Variants in RANBP17 observed in about 807,000 individuals in gnomAD.
RANBP17 encodes the protein ran-binding protein 17.
Under a neutral mutation model 141.2 loss-of-function variants are expected in RANBP17, and 158 were observed. The ratio of observed to expected loss-of-function variants is 1.12; its 90% CI spans 0.98 to 1.28. The LOEUF is 1.28. Among genes scored for constraint, RANBP17 ranks in the 50% most tolerant of loss-of-function variants. RANBP17 has a pLI of 0.00. For synonymous variants in RANBP17, 430 were observed against 450.0 expected, an observed-to-expected ratio of 0.96 and a Z score of 0.56; for missense variants, 1,438 against 1,290.7, an observed-to-expected ratio of 1.11 and a Z score of -1.75.
intron 13 of RANBP17, among the ~76,000 whole-genome samples, chr5:170,964,120 G>A (rs1351490159): frequency 6.6e-6 from 1 of 152,092 alleles, no homozygotes; most frequent in East Asian, 1.9e-4. Flanking sequence ...CACTCTTATG[G>A]AGTGATGGTA....
chr5:171,277,669 T>TATATATATATATA (rs1767604663), intron 25 of RANBP17, among the ~76,000 whole-genome samples: 9 of 31,066 alleles, frequency 2.9e-4, no homozygotes, highest in African/African-American at 3.6e-4. Flanking sequence ...ATATATATAT[T>TATATATATATATA]TATGTCTTAC....
At chr5:171,027,112 C>A (rs1355095860) in intron 14 of RANBP17, among the ~76,000 whole-genome samples, 1 of 152,052 alleles carries the variant, frequency 6.6e-6, no homozygotes, top group Non-Finnish European at 1.5e-5. Context: ...AAATTTGGTC[C>A]CTTGTGCCAA....
At position 171,190,068 on chromosome 5, in the gene RANBP17, C is replaced by G. The variant is rs560050632; in HGVS notation, c.2038+6638C>G. ...AGAAAAAAAAACACCTACTTTCTTGCAAAAGTGTTGGATGTGATTCTTGGA... is the reference window on the plus strand; with the variant it reads ...AGAAAAAAAAACACCTACTTTCTTGGAAAAGTGTTGGATGTGATTCTTGGA... On this transcript the variant is annotated intron_variant, in intron 18 of 27. Coordinates refer to ENST00000523189, the MANE Select transcript of RANBP17 (RefSeq NM_022897.5). 2.6e-5 allele frequency among the ~76,000 whole-genome samples: 4 copies of G among 151,648 alleles called. No homozygotes were observed. The South Asian group carries it at 8.3e-4, about 32-fold the overall frequency.
chr5:170,874,782 G>T (rs1298268556), intron 1 of RANBP17, among the ~76,000 whole-genome samples: 1 of 152,016 alleles, frequency 6.6e-6, no homozygotes, highest in Admixed American at 6.6e-5. Flanking sequence ...TCTTTGTCCA[G>T]TTTGCCAGTC....
intron 14 of RANBP17, among the ~76,000 whole-genome samples, chr5:171,027,332 A>G (rs1781294955): frequency 6.6e-6 from 1 of 152,150 alleles, no homozygotes; most frequent in South Asian, 2.1e-4. Flanking sequence ...TTGTCCTTTC[A>G]GCATTGGCAG....
intron 22 of RANBP17, among the ~76,000 whole-genome samples, chr5:171,231,762 A>C (rs1383426079): frequency 6.6e-6 from 1 of 152,174 alleles, no homozygotes; most frequent in East Asian, 1.9e-4. Context: ...AGCAAGAATT[A>C]TAAAAATGTC....
At chr5:171,115,367 C>G (rs1755546038) in intron 14 of RANBP17, among the ~76,000 whole-genome samples, 1 of 152,014 alleles carries the variant, frequency 6.6e-6, no homozygotes, top group African/African-American at 2.4e-5. Context: ...AATGACTATT[C>G]TATTTCTAAT....
At chr5:170,949,110 C>G (rs1775002809) in intron 12 of RANBP17, among the ~76,000 whole-genome samples, 1 of 152,110 alleles carries the variant, frequency 6.6e-6, no homozygotes, top group African/African-American at 2.4e-5. Context: ...TCACTGCCCT[C>G]CAGCCTGGGT....
chr5:171,182,382 T>C (rs1016147579), intron 16 of RANBP17, among the ~76,000 whole-genome samples: 1 of 152,200 alleles, frequency 6.6e-6, no homozygotes, highest in Non-Finnish European at 1.5e-5. Flanking sequence ...TTTCTTAACT[T>C]TATGCTCCTT....
At chr5:171,091,629 A>T (rs918174344) in intron 14 of RANBP17, among the ~76,000 whole-genome samples, 4 of 152,200 alleles carry the variant, frequency 2.6e-5, no homozygotes, top group African/African-American at 9.6e-5. Flanking sequence ...CTCATCTTGA[A>T]TTCCCATGTG....
At chr5:171,181,355 C>T (rs1327159229) in intron 16 of RANBP17, among the ~76,000 whole-genome samples, 1 of 151,880 alleles carries the variant, frequency 6.6e-6, no homozygotes, top group South Asian at 2.1e-4. Context: ...GAGGCTGAGG[C>T]AGGAGAATCA....
intron 14 of RANBP17, among the ~76,000 whole-genome samples, chr5:171,144,386 AAAAG>A (rs1259518921): frequency 6.6e-6 from 1 of 152,116 alleles, no homozygotes; most frequent in Non-Finnish European, 1.5e-5. Context: ...GAAAGAAAGA[AAAAG>A]AAATAAGGTA....
At chr5:171,290,334 C>T (rs990703344) in intron 25 of RANBP17, among the ~76,000 whole-genome samples, 1 of 151,024 alleles carries the variant, frequency 6.6e-6, no homozygotes, top group Non-Finnish European at 1.5e-5. Flanking sequence ...TGCTATTGCA[C>T]TCCAGCCTGG....
Position 170,909,144 on chromosome 5 carries a change from C to T in RANBP17, c.490-517C>T, listed in dbSNP as rs1218355095. On this transcript the variant is annotated intron_variant, in intron 5 of 27. Coordinates refer to ENST00000523189, the MANE Select transcript of RANBP17 (RefSeq NM_022897.5). ...AATATTCAGAGGGAATATACTATTG[C>T]TTATATAAGAAATCAGATTTCTGAT... 2.0e-5 allele frequency among the ~76,000 whole-genome samples: 3 copies of T among 151,790 alleles called. No individual in the cohort carries two copies. In the East Asian group the frequency reaches 5.8e-4, roughly 29 times the overall value.
At position 170,918,749 on chromosome 5, in the gene RANBP17, C is replaced by T. The variant is rs760844961; in HGVS notation, c.991C>T (p.Arg331Ter). 3.2e-5 allele frequency: 52 copies of T among 1,604,574 alleles called. No individual in the cohort carries two copies. Among genetic ancestry groups the T allele is most frequent in the African/African-American group, 4.0e-5 (3 of 74,224 alleles). ...TCCAGGTAATTATCATGAATTTTGT[C>T]GATTTTTGGCTCGTTTAAAGACAAA... ...SDPGNYHEFC[R>*]FLARLKTNYQ... The change falls in exon 10 of 28, where the codon CGA becomes TGA. Residue 331 changes from arginine (R) to a stop codon, truncating the protein, a stop_gained. Transcript: ENST00000523189. LOFTEE classifies it high-confidence loss of function.
At chr5:170,937,104 G>A (rs1773944811) in intron 12 of RANBP17, among the ~76,000 whole-genome samples, 2 of 152,160 alleles carry the variant, frequency 1.3e-5, no homozygotes, top group South Asian at 4.1e-4. Flanking sequence ...TCTTTTTACT[G>A]GAATGTTTAG....
At chr5:171,079,787 A>G (rs977727783) in intron 14 of RANBP17, among the ~76,000 whole-genome samples, 12 of 152,212 alleles carry the variant, frequency 7.9e-5, no homozygotes, top group Non-Finnish European at 1.5e-4. Context: ...AAACATGTAA[A>G]TGCAACAATT....
intron 25 of RANBP17, among the ~76,000 whole-genome samples, chr5:171,267,579 C>T (rs1766808334): frequency 6.6e-6 from 1 of 152,066 alleles, no homozygotes; most frequent in African/African-American, 2.4e-5. Flanking sequence ...GAGGCCAAGG[C>T]AGGTGGATCA....
At chr5:170,986,494 C>A (rs1778148522) in intron 14 of RANBP17, among the ~76,000 whole-genome samples, 1 of 151,798 alleles carries the variant, frequency 6.6e-6, no homozygotes, top group Non-Finnish European at 1.5e-5. Context: ...GTAATGGATA[C>A]CCCAATTACC....
Sources: gnomAD v4.1 joint callset for allele counts (sites outside exome capture counted in the v4.1 genomes callset) on GRCh38, gnomAD v4.1.1 for gene constraint, MANE v1.5 for transcripts, NCBI Gene and HGNC (gene_info 2026-07-23, HGNC 2026-07-21) for gene names.